The following MAP3K20 variants were observed in gnomAD, a reference collection of about 807,000 sequenced individuals.
MAP3K20 encodes the protein HCCS-4.
MAP3K20 carries 40 observed loss-of-function variants against 85.7 expected under a neutral mutation model. That is an observed-to-expected ratio of 0.47 (90% CI 0.36 to 0.61). The LOEUF is 0.61. Among genes scored for constraint, MAP3K20 ranks in the 20% least tolerant of loss-of-function variants. The pLI is 0.00. For missense variants in MAP3K20, 817 were observed against 961.7 expected (o/e 0.85, Z 1.99); for synonymous variants, 325 against 327.7 (o/e 0.99, Z 0.09).
At chr2:173,181,495 G>A (rs190117091) in intron 3 of MAP3K20, among the ~76,000 whole-genome samples, 233 of 152,124 alleles carry the variant, frequency 1.5e-3, no homozygotes, top group Admixed American at 3.3e-3. Context: ...TTAAAAGTTA[G>A]ACATAAACTT....
chr2:173,230,664 A>AT (rs1239785203), intron 12 of MAP3K20, among the ~76,000 whole-genome samples: 1 of 152,148 alleles, frequency 6.6e-6, no homozygotes, highest in Non-Finnish European at 1.5e-5. Flanking sequence ...CACCATATCT[A>AT]TTTTTTTAGT....
rs144996642 is a variant in MAP3K20 at position 173,196,862 on chromosome 2, C to G, written c.583-1164C>G. The stretch of plus-strand genomic sequence containing the variant: ...CAAGTACTGTCACTTTCCCTTCACT[C>G]ACATTAAAAGGAGTCAAGAGCCTGA... On this transcript the variant is annotated intron_variant, in intron 7 of 19. Transcript: ENST00000375213. Among the ~76,000 whole-genome samples the G allele has an allele frequency of 3.3e-5, 5 of 152,276 alleles. No homozygotes were observed. The East Asian group carries it at 9.7e-4, about 29-fold the overall frequency.
At chr2:173,239,359 TA>T in intron 15 of MAP3K20, 44 bp from the exon 16 acceptor site, 1 of 1,502,746 alleles carries the variant, frequency 6.7e-7, no homozygotes. Context: ...ACATGAGAAG[TA>T]AAAACAACAT....
chr2:173,169,527 C>T (rs1312699741), intron 2 of MAP3K20, among the ~76,000 whole-genome samples: 2 of 151,774 alleles, frequency 1.3e-5, no homozygotes, highest in African/African-American at 4.8e-5. Context: ...TCGAGATCAG[C>T]CTGGACAACA....
chr2:173,230,995 C>T (rs1457777156), intron 12 of MAP3K20, among the ~76,000 whole-genome samples: 1 of 151,030 alleles, frequency 6.6e-6, no homozygotes, highest in Non-Finnish European at 1.5e-5. Flanking sequence ...GGCTTCATCT[C>T]AAAAAAAAAA....
chr2:173,258,612 A>T, intron 16 of MAP3K20, 87 bp from the exon 17 acceptor site: 1 of 699,582 alleles, frequency 1.4e-6, no homozygotes, highest in South Asian at 1.9e-5. Context: ...TACTTCATTT[A>T]GAATATTTTA....
chr2:173,204,665 A>G (rs1683607793), intron 9 of MAP3K20, among the ~76,000 whole-genome samples: 1 of 152,244 alleles, frequency 6.6e-6, no homozygotes. Context: ...ATTTGCTTCA[A>G]AACAAAGTGA....
chr2:173,098,016 A>T (rs1687512786), intron 2 of MAP3K20, among the ~76,000 whole-genome samples: 1 of 152,160 alleles, frequency 6.6e-6, no homozygotes, highest in East Asian at 1.9e-4. Flanking sequence ...AATTCTTTAA[A>T]TTTGTTTTAA....
chr2:173,078,360 G>C (rs959813881), intron 1 of MAP3K20, among the ~76,000 whole-genome samples: 2 of 152,182 alleles, frequency 1.3e-5, no homozygotes, highest in African/African-American at 4.8e-5. Context: ...GACAGGGTGA[G>C]TATCTTGTCT....
At chr2:173,251,115 C>A (rs1338716508) in intron 16 of MAP3K20, among the ~76,000 whole-genome samples, 1 of 152,110 alleles carries the variant, frequency 6.6e-6, no homozygotes, top group Non-Finnish European at 1.5e-5. Flanking sequence ...CCAGCATGAA[C>A]AAAATTTTTA....
intron 16 of MAP3K20, among the ~76,000 whole-genome samples, chr2:173,247,553 A>AACATACATGTATGCAC (rs1239587109): frequency 2.6e-5 from 4 of 152,164 alleles, no homozygotes; most frequent in Admixed American, 6.5e-5. Context: ...TTGAGAGAAA[A>AACATACATGTATGCAC]ACATACATGT....
At chr2:173,196,291 G>A (rs887320793) in intron 7 of MAP3K20, among the ~76,000 whole-genome samples, 2 of 152,118 alleles carry the variant, frequency 1.3e-5, no homozygotes, top group Non-Finnish European at 2.9e-5. Context: ...CCAAATGAGG[G>A]GCTCCATTTC....
intron 2 of MAP3K20, among the ~76,000 whole-genome samples, chr2:173,150,526 C>CTGA (rs1458610311): frequency 5.3e-5 from 8 of 152,170 alleles, no homozygotes; most frequent in African/African-American, 1.9e-4. Flanking sequence ...ATTGTTCAGG[C>CTGA]TGATGTTCTG....
intron 16 of MAP3K20, among the ~76,000 whole-genome samples, chr2:173,246,263 T>C (rs1684910964): frequency 6.6e-6 from 1 of 152,158 alleles, no homozygotes; most frequent in South Asian, 2.1e-4. Context: ...TTTTGGAAGA[T>C]ACCATTGTCC....
rs1332296500 is a variant in MAP3K20, at chr2:173,226,807, ATATT to A, written c.988-2878_988-2875del. 8.5e-5 allele frequency: 84 copies of A among 983,144 alleles called. 2 individuals carry two copies. In the Admixed American group the frequency reaches 4.4e-3, roughly 52 times the overall value. The allele number at this position is 983,144 out of a possible 1,614,324, so 60.9% of individuals were successfully genotyped here. A position where few individuals can be genotyped will look rare whatever the true frequency, so the allele number is the denominator to read the frequency against. On this transcript the variant is annotated intron_variant, in intron 11 of 19. Coordinates refer to ENST00000375213, the MANE Select transcript of MAP3K20 (RefSeq NM_016653.3). ...AAATTTTTGTACTAAATAATAGAAA[ATATT>A]TATATTCTTTGAGTGTGAGCTTTGA... is the stretch of plus-strand genomic sequence containing the variant.
chr2:173,187,281 C>T (rs960260853), intron 4 of MAP3K20, among the ~76,000 whole-genome samples: 1 of 152,180 alleles, frequency 6.6e-6, no homozygotes, highest in African/African-American at 2.4e-5. Context: ...TATTTTCATG[C>T]AGACTGCAGA....
chr2:173,132,355 TCTC>T (rs1479185508), intron 2 of MAP3K20, among the ~76,000 whole-genome samples: 1 of 152,122 alleles, frequency 6.6e-6, no homozygotes, highest in African/African-American at 2.4e-5. Flanking sequence ...GCTTTCGTCT[TCTC>T]CTCCGGCTGA....
At chr2:173,132,075 C>G (rs1439087360) in intron 2 of MAP3K20, among the ~76,000 whole-genome samples, 1 of 152,122 alleles carries the variant, frequency 6.6e-6, no homozygotes, top group East Asian at 1.9e-4. Context: ...TTTTGTTGAT[C>G]ATAGATATTT....
At chr2:173,144,512 A>G (rs1019638608) in intron 2 of MAP3K20, among the ~76,000 whole-genome samples, 10 of 149,536 alleles carry the variant, frequency 6.7e-5, no homozygotes, top group South Asian at 4.2e-4. Context: ...GAGAAGAGAA[A>G]AGAAAAAAAA....
Sources: gnomAD v4.1 joint callset for allele counts (sites outside exome capture counted in the v4.1 genomes callset) on GRCh38, gnomAD v4.1.1 for gene constraint, MANE v1.5 for transcripts, NCBI Gene and HGNC (gene_info 2026-07-23, HGNC 2026-07-21) for gene names.